Variants in CEP112 observed in about 807,000 individuals in gnomAD.
The protein encoded by CEP112 is centrosomal protein 112.
CEP112 carries 127 observed loss-of-function variants against 153.0 expected under a neutral mutation model. The ratio of observed to expected loss-of-function variants is 0.83; its 90% CI spans 0.72 to 0.96. CEP112 has a LOEUF of 0.96. Ranked by LOEUF, CEP112 falls within the 40% of genes least tolerant of loss-of-function variation. The pLI, the probability that CEP112 is intolerant of heterozygous loss-of-function variation, is 0.00. For synonymous variants in CEP112, 358 were observed against 374.4 expected, an observed-to-expected ratio of 0.96 and a Z score of 0.51; for missense variants, 1,089 against 1,101.2, an observed-to-expected ratio of 0.99 and a Z score of 0.16.
intron 6 of CEP112, among the ~76,000 whole-genome samples, chr17:66,116,840 A>G (rs1301862160): frequency 6.7e-6 from 1 of 149,306 alleles, no homozygotes; most frequent in African/African-American, 2.5e-5. Context: ...TTATATATGA[A>G]GCATGGTAAT....
intron 4 of CEP112, among the ~76,000 whole-genome samples, chr17:66,139,189 T>C (rs1220668538): frequency 6.6e-6 from 1 of 152,146 alleles, no homozygotes. Context: ...TAAGAGTTGA[T>C]TTATTGAAAT....
chr17:65,980,243 T>C lies in CEP112; in HGVS notation c.1737-18645A>G, dbSNP rs190619211. 3.9e-5 allele frequency among the ~76,000 whole-genome samples: 6 copies of C among 152,326 alleles called. No homozygotes were observed. The East Asian group carries it at 1.2e-3, about 29-fold the overall frequency. ...CTACAACTAAAATGAATAAATTTTA[T>C]ATCAAGTAATAAAAAACTTGAGGAT... is the stretch of plus-strand genomic sequence containing the variant. On this transcript the variant is annotated intron_variant, in intron 17 of 26. Coordinates refer to ENST00000535342, the MANE Select transcript of CEP112 (RefSeq NM_001199165.4).
chr17:66,142,907 T>A (rs994053807), intron 4 of CEP112, among the ~76,000 whole-genome samples: 1 of 152,192 alleles, frequency 6.6e-6, no homozygotes, highest in Admixed American at 6.5e-5. Flanking sequence ...TTGATAGGGA[T>A]TGCATTGAAA....
At chr17:65,947,104 T>C (rs4621002) in intron 18 of CEP112, among the ~76,000 whole-genome samples, 72,392 of 151,602 alleles carry the variant, frequency 0.48, 18,228 homozygotes, top group East Asian at 0.89. Flanking sequence ...AATAACATTT[T>C]AACAAGCAAA....
At chr17:65,980,146 C>T (rs1185616588) in intron 17 of CEP112, among the ~76,000 whole-genome samples, 2 of 152,170 alleles carry the variant, frequency 1.3e-5, no homozygotes, top group Non-Finnish European at 2.9e-5. Context: ...GGGGCGTTTT[C>T]ATTTTTCACT....
chr17:65,660,369 CCCTTCCTT>C lies in CEP112; in HGVS notation c.2698-19312_2698-19305del, dbSNP rs200263565. On this transcript the variant is annotated intron_variant, in intron 24 of 26. Transcript: ENST00000535342. ...CTCTCTCGTTCCTTCCTCCCTCCCT[CCCTTCCTT>C]CCTTCCTTCCTCCCTCCCTCCCTTC... Among the ~76,000 whole-genome samples, 3 of 118,126 alleles carry C rather than the reference CCCTTCCTT, an allele frequency of 2.5e-5. No individual in the cohort carries two copies. In the South Asian group the frequency reaches 9.3e-4, roughly 36 times the overall value. The allele number at this position is 118,126 out of a possible 152,430, so 77.5% of individuals were successfully genotyped here. A position where few individuals can be genotyped will look rare whatever the true frequency, so the allele number is the denominator to read the frequency against.
At chr17:65,886,051 T>C (rs1304230387) in intron 20 of CEP112, among the ~76,000 whole-genome samples, 1 of 152,196 alleles carries the variant, frequency 6.6e-6, no homozygotes, top group Admixed American at 6.5e-5. Context: ...TCATAAAACC[T>C]CATCTGGTTC....
At chr17:65,722,701 CAGA>C (rs936969166) in intron 23 of CEP112, among the ~76,000 whole-genome samples, 2 of 152,152 alleles carry the variant, frequency 1.3e-5, no homozygotes, top group South Asian at 2.1e-4. Flanking sequence ...TTGTTAAGAA[CAGA>C]AGAAGAACGG....
chr17:66,112,223 G>A (rs1233937366), intron 6 of CEP112, among the ~76,000 whole-genome samples: 3 of 151,860 alleles, frequency 2.0e-5, no homozygotes, highest in South Asian at 2.1e-4. Context: ...CTCGGGAGGC[G>A]GAGGTTGCAG....
chr17:66,096,657 A>G, intron 6 of CEP112, 25 bp from the exon 7 acceptor site: 1 of 1,416,146 alleles, frequency 7.1e-7, no homozygotes, highest in South Asian at 1.2e-5. Flanking sequence ...ATAAAACAAA[A>G]TAAGGATTTA....
intron 18 of CEP112, among the ~76,000 whole-genome samples, chr17:65,946,735 T>G (rs752159302): frequency 6.6e-6 from 1 of 152,154 alleles, no homozygotes; most frequent in Non-Finnish European, 1.5e-5. Context: ...TTTTTTTTAT[T>G]TTTAAGATTT....
chr17:66,178,658 A>T (rs2072589389), intron 2 of CEP112, among the ~76,000 whole-genome samples: 1 of 151,992 alleles, frequency 6.6e-6, no homozygotes, highest in African/African-American at 2.4e-5. Context: ...GATTTTCCCC[A>T]ATGTTTTCTT....
intron 21 of CEP112, among the ~76,000 whole-genome samples, chr17:65,764,678 C>T (rs1252536129): frequency 2.6e-5 from 4 of 151,870 alleles, no homozygotes; most frequent in African/African-American, 7.3e-5. Context: ...ATGTGGGTCT[C>T]TCATAGGAAG....
intron 20 of CEP112, among the ~76,000 whole-genome samples, chr17:65,865,493 GT>G (rs2058453936): frequency 6.6e-6 from 1 of 152,204 alleles, no homozygotes. Flanking sequence ...GCAATGGGCC[GT>G]CCAGATCCCC....
At chr17:65,688,817 G>T in intron 24 of CEP112, 1 of 201,768 alleles carries the variant, frequency 5.0e-6, no homozygotes. Context: ...ACCCAGGCTG[G>T]AGTGCAATGG....
intron 20 of CEP112, among the ~76,000 whole-genome samples, chr17:65,858,823 T>C (rs2058208812): frequency 6.6e-6 from 1 of 152,258 alleles, no homozygotes; most frequent in African/African-American, 2.4e-5. Context: ...TTAAATGTTA[T>C]GAACTTATTT....
At position 66,183,742 on chromosome 17, in the gene CEP112, T is replaced by C. The variant is rs1388553559; in HGVS notation, c.-8-435A>G. Reference sequence around the variant, plus strand: ...AAGAAATGACAGTTATTACAACAAATGATGTCATAACAATTGGATATCCAT... The same window carrying C: ...AAGAAATGACAGTTATTACAACAAACGATGTCATAACAATTGGATATCCAT... On this transcript the variant is annotated intron_variant, in intron 1 of 26. Transcript: ENST00000535342. Among the ~76,000 whole-genome samples the C allele has an allele frequency of 4.6e-5, 7 of 151,900 alleles. No individual in the cohort carries two copies. In the East Asian group the frequency reaches 1.2e-3, roughly 25 times the overall value.
At position 65,938,019 on chromosome 17, in the gene CEP112, G is replaced by A. The variant is rs868546883; in HGVS notation, c.1873-10330C>T. 1.6e-3 allele frequency among the ~76,000 whole-genome samples: 184 copies of A among 118,242 alleles called. 7 individuals carry two copies. Among genetic ancestry groups the A allele is most frequent in the African/African-American group, 4.9e-3 (172 of 34,986 alleles). 77.6% of individuals were successfully genotyped at this position (118,242 alleles called of 152,430 possible). On this transcript the variant is annotated intron_variant, in intron 18 of 26. Transcript: ENST00000535342. ...AAGATTGAGAAATCGGATGGTTGCC[G>A]TGTCTGTGTAGAAAGAAGTAGACAT...
chr17:65,934,309 T>C (rs2061232047), intron 18 of CEP112, among the ~76,000 whole-genome samples: 1 of 152,252 alleles, frequency 6.6e-6, no homozygotes, highest in Non-Finnish European at 1.5e-5. Flanking sequence ...TATTATCATC[T>C]TGAAGTAGCC....
Sources: gnomAD v4.1 joint callset for allele counts (sites outside exome capture counted in the v4.1 genomes callset) on GRCh38, gnomAD v4.1.1 for gene constraint, MANE v1.5 for transcripts, NCBI Gene and HGNC (gene_info 2026-07-23, HGNC 2026-07-21) for gene names.